Variants in SCARA3 observed in about 807,000 individuals in gnomAD.
The protein encoded by SCARA3 is scavenger receptor class A member 3.
SCARA3 carries 39 observed loss-of-function variants against 47.0 expected under a neutral mutation model. That is an observed-to-expected ratio of 0.83 (90% CI 0.64 to 1.08). SCARA3 has a LOEUF of 1.08. Among genes scored for constraint, SCARA3 ranks in the 50% least tolerant of loss-of-function variants. SCARA3 has a pLI of 0.00. For synonymous variants in SCARA3, 356 were observed against 334.1 expected (o/e 1.07, Z -0.71); for missense variants, 724 against 792.3 (o/e 0.91, Z 1.04).
At chr8:27,729,599 T>C in the SCARA3 span, among the ~76,000 whole-genome samples, 4,425 of 152,124 alleles carry the variant, frequency 0.029, 91 homozygotes, top group Middle Eastern at 0.071. Context: ...GAGACCAGCC[T>C]GGCCAACATG....
chr8:27,723,622 C>T, the SCARA3 span, among the ~76,000 whole-genome samples: 1 of 152,158 alleles, frequency 6.6e-6, no homozygotes, highest in Non-Finnish European at 1.5e-5. Context: ...GCTTCCTGGC[C>T]CAGATGACGG....
At chr8:27,708,680 T>G in the SCARA3 span, among the ~76,000 whole-genome samples, 1 of 152,128 alleles carries the variant, frequency 6.6e-6, no homozygotes, top group East Asian at 1.9e-4. Context: ...GATAATAACT[T>G]CTTTAAAAAA....
At chr8:27,709,958 G>A in the SCARA3 span, among the ~76,000 whole-genome samples, 1 of 152,256 alleles carries the variant, frequency 6.6e-6, no homozygotes, top group Admixed American at 6.5e-5. Context: ...AAATCAAAGA[G>A]AGACGCTGAC....
chr8:27,672,033 C>T lies in SCARA3; in HGVS notation c.*682C>T, dbSNP rs1802178464. ...CTGGGGTTGAAAAGCCCCAAGGAAA[C>T]CTTTGCGGGTGGGGCGTTACTGCCA... On this transcript the variant is annotated 3_prime_UTR_variant, in exon 6 of 6. Transcript: ENST00000301904. 4 of 985,242 alleles carry T rather than the reference C, an allele frequency of 4.1e-6. No homozygotes were observed. The highest frequency in any genetic ancestry group is 9.4e-5 in the South Asian group (2 of 21,292). The allele number at this position is 985,242 out of a possible 1,614,324, so 61.0% of individuals were successfully genotyped here.
At chr8:27,637,649 T>C (rs1249169519) in intron 1 of SCARA3, among the ~76,000 whole-genome samples, 3 of 152,018 alleles carry the variant, frequency 2.0e-5, no homozygotes, top group Non-Finnish European at 4.4e-5. Flanking sequence ...GAGAGACTTC[T>C]GCTTGACTGC....
intron 1 of SCARA3, among the ~76,000 whole-genome samples, chr8:27,644,546 GTGTCCTCTT>G (rs1226663428): frequency 3.3e-5 from 5 of 151,896 alleles, no homozygotes; most frequent in African/African-American, 4.8e-5. Flanking sequence ...ATCTTCTCCA[GTGTCCTCTT>G]CCAAGCCCAT....
chr8:27,694,803 A>G, the SCARA3 span, among the ~76,000 whole-genome samples: 6 of 152,178 alleles, frequency 3.9e-5, no homozygotes, highest in Admixed American at 1.3e-4. Flanking sequence ...ATTTGTGCCT[A>G]TAGGTGGCCT....
In SCARA3 at chr8:27,670,924, G is replaced by A. The variant is rs1437190188; in HGVS notation, c.1394G>A (p.Arg465Lys). Reference protein sequence around the residue: ...LRGAPGPPGPRGFKGDMGVKG... With the variant: ...LRGAPGPPGPKGFKGDMGVKG... ...GGTGCCCCCGGCCCTCCAGGACCAA[G>A]AGGATTCAAAGGAGATATGGGCGTG... Residue 465 changes from arginine to lysine, a missense_variant, in exon 6 of 6, where the codon AGA becomes AAA. Arg to Lys is a conservative substitution (Grantham distance 26). Transcript: ENST00000301904. 1 of 1,556,466 alleles carries A rather than the reference G, an allele frequency of 6.4e-7. No individual in the cohort carries two copies. Among genetic ancestry groups the A allele is most frequent in the Non-Finnish European group, 8.7e-7 (1 of 1,155,830 alleles).
At chr8:27,675,653 G>A (rs1362710282), downstream of SCARA3, among the ~76,000 whole-genome samples, 1 of 152,150 alleles carries the variant, frequency 6.6e-6, no homozygotes, top group Non-Finnish European at 1.5e-5. Context: ...AACTGGGCAG[G>A]GTGGTGTGCA....
In SCARA3 at chr8:27,671,611, T is replaced by A; in HGVS notation, c.*260T>A. On this transcript the variant is annotated 3_prime_UTR_variant, in exon 6 of 6. Transcript: ENST00000301904. ...ATACACGCACATGCACACATACACATGCATGCACACATACACAGGCATACA... is the reference window on the plus strand; with the variant it reads ...ATACACGCACATGCACACATACACAAGCATGCACACATACACAGGCATACA... 4 of 1,198,334 alleles carry A rather than the reference T, an allele frequency of 3.3e-6. No individual in the cohort carries two copies. Among genetic ancestry groups the A allele is most frequent in the Non-Finnish European group, 4.2e-6 (4 of 963,086 alleles). 74.2% of individuals were successfully genotyped at this position (1,198,334 alleles called of 1,614,324 possible).
chr8:27,653,257 C>T (rs1456923367), intron 3 of SCARA3, among the ~76,000 whole-genome samples: 1 of 152,222 alleles, frequency 6.6e-6, no homozygotes, highest in East Asian at 1.9e-4. Flanking sequence ...ATGTGAGACG[C>T]TGTCATGTGC....
intron 3 of SCARA3, among the ~76,000 whole-genome samples, chr8:27,654,368 A>G (rs1451546940): frequency 1.3e-5 from 2 of 152,232 alleles, no homozygotes; most frequent in African/African-American, 2.4e-5. Flanking sequence ...TACATAAAAC[A>G]TAATTTTATA....
At chr8:27,674,561 T>C (rs1219835058), downstream of SCARA3, among the ~76,000 whole-genome samples, 4 of 152,112 alleles carry the variant, frequency 2.6e-5, no homozygotes, top group African/African-American at 9.7e-5. Flanking sequence ...TTCTGGAACT[T>C]TCCAGGGCCA....
rs1305974260 is a variant in SCARA3, at chr8:27,649,773, A to T, written c.79A>T (p.Met27Leu). 1 of 1,614,010 alleles carries T rather than the reference A, an allele frequency of 6.2e-7. No individual in the cohort carries two copies. The highest frequency in any genetic ancestry group is 8.5e-7 in the Non-Finnish European group (1 of 1,180,028). The change falls in exon 2 of 6, where the codon ATG becomes TTG. Residue 27 changes from methionine (M) to leucine (L), a missense_variant. Met to Leu is a conservative substitution (Grantham distance 15). Transcript: ENST00000301904. ...GGACCTGGCGGGTGACGACGAGGAC[A>T]TGCCGACCTTCCCATGCACCCAGAA... is the stretch of plus-strand genomic sequence containing the variant. ...EEDLAGDDEDMPTFPCTQKGR... is the reference protein window; with the variant it reads ...EEDLAGDDEDLPTFPCTQKGR...
chr8:27,647,164 T>TGCACACATGTGCAAGCACAG (rs1801521802), intron 1 of SCARA3, among the ~76,000 whole-genome samples: 1 of 152,130 alleles, frequency 6.6e-6, no homozygotes, highest in African/African-American at 2.4e-5. Context: ...AAAATGCACG[T>TGCACACATGTGCAAGCACAG]GCACACATGT....
At chr8:27,634,666 A>T (rs1801211281) in intron 1 of SCARA3, among the ~76,000 whole-genome samples, 1 of 151,920 alleles carries the variant, frequency 6.6e-6, no homozygotes, top group African/African-American at 2.4e-5. Context: ...TCCCCAAAAG[A>T]GACCTGCAGT....
chr8:27,711,636 T>C, the SCARA3 span, among the ~76,000 whole-genome samples: 1 of 152,200 alleles, frequency 6.6e-6, no homozygotes, highest in African/African-American at 2.4e-5. Flanking sequence ...TGGTTGGTCA[T>C]TGCTTCTAAG....
At chr8:27,673,591 C>T (rs1802215753), downstream of SCARA3, among the ~76,000 whole-genome samples, 1 of 152,164 alleles carries the variant, frequency 6.6e-6, no homozygotes, top group South Asian at 2.1e-4. Context: ...AGCAAAAGGG[C>T]AGGGGGTGAG....
At chr8:27,721,433 A>G in the SCARA3 span, among the ~76,000 whole-genome samples, 1 of 152,228 alleles carries the variant, frequency 6.6e-6, no homozygotes, top group Non-Finnish European at 1.5e-5. Context: ...AAATAGATAG[A>G]AAATATATAC....
Sources: gnomAD v4.1 joint callset for allele counts (sites outside exome capture counted in the v4.1 genomes callset) on GRCh38, gnomAD v4.1.1 for gene constraint, MANE v1.5 for transcripts, NCBI Gene and HGNC (gene_info 2026-07-23, HGNC 2026-07-21) for gene names.